Variants in FRAS1 observed in about 807,000 individuals in gnomAD.
FRAS1 encodes the protein Fraser extracellular matrix complex subunit 1.
In FRAS1, 290 loss-of-function variants were observed where a neutral mutation model predicts 435.2. That is an observed-to-expected ratio of 0.67 (90% CI 0.61 to 0.73). The LOEUF is 0.73. FRAS1 is among the 30% of genes least tolerant of loss of function. The probability of loss-of-function intolerance (pLI) is 0.00; values close to 1 mark genes in which losing one functional copy is unlikely to be tolerated. For missense variants in FRAS1, 4,860 were observed against 5,001.5 expected (o/e 0.97, Z 0.85); for synonymous variants, 1,800 against 1,851.0 (o/e 0.97, Z 0.71).
intron 2 of FRAS1, among the ~76,000 whole-genome samples, chr4:78,091,978 C>CAAAAAAAA (rs34804542): frequency 1.2e-5 from 1 of 83,728 alleles, no homozygotes; most frequent in Admixed American, 1.6e-4. Context: ...GAGACTGTCT[C>CAAAAAAAA]AAAAAAAAAA....
chr4:78,441,072 G>A (rs752068929), intron 40 of FRAS1, 90 bp from the exon 41 acceptor site: 176 of 1,334,122 alleles, frequency 1.3e-4, no homozygotes, highest in Non-Finnish European at 1.7e-4. Context: ...GTGCTAGAAG[G>A]TCACCCAGGC....
At chr4:78,438,446 T>G in intron 38 of FRAS1, 124 bp from the exon 39 acceptor site, 1 of 925,008 alleles carries the variant, frequency 1.1e-6, no homozygotes, top group South Asian at 1.6e-5. Context: ...AAAGAGACTT[T>G]AAGACAAAGA....
At chr4:78,510,145 CTTG>C (rs1275864908) in intron 63 of FRAS1, among the ~76,000 whole-genome samples, 4 of 152,162 alleles carry the variant, frequency 2.6e-5, no homozygotes, top group Non-Finnish European at 5.9e-5. Context: ...GAATTACCAG[CTTG>C]TTGTTTCTTA....
chr4:78,457,025 G>A (rs998382012), intron 47 of FRAS1, among the ~76,000 whole-genome samples: 3 of 151,896 alleles, frequency 2.0e-5, no homozygotes, highest in Middle Eastern at 3.2e-3. Flanking sequence ...ACTTCAAGGA[G>A]GCCTACCTCG....
intron 2 of FRAS1, among the ~76,000 whole-genome samples, chr4:78,136,906 G>A (rs1719941968): frequency 6.6e-6 from 1 of 152,200 alleles, no homozygotes; most frequent in Non-Finnish European, 1.5e-5. Flanking sequence ...TACCTACTGT[G>A]CGCCAGCACC....
rs1421348588 is a variant in FRAS1, at chr4:78,519,198, G to A, written c.10390-133G>A. 5 of 667,324 alleles carry A rather than the reference G, an allele frequency of 7.5e-6. No homozygotes were observed. The Admixed American group carries it at 1.0e-4, about 14-fold the overall frequency. The allele number at this position is 667,324 out of a possible 1,614,324, so 41.3% of individuals were successfully genotyped here. ...TTTTAAATAAGTAAGTGCAATCATG[G>A]GCACTTGCTTAATAATTATTGAATA... On this transcript the variant is annotated intron_variant, in intron 66 of 73. Transcript: ENST00000512123.
chr4:78,457,695 C>G (rs186228781), intron 47 of FRAS1, among the ~76,000 whole-genome samples: 1 of 152,298 alleles, frequency 6.6e-6, no homozygotes, highest in African/African-American at 2.4e-5. Context: ...TCCTTAAACC[C>G]TTTGGCTGTT....
intron 1 of FRAS1, among the ~76,000 whole-genome samples, chr4:78,065,074 A>ATG (rs1350982371): frequency 1.0e-4 from 14 of 134,290 alleles, no homozygotes; most frequent in African/African-American, 4.0e-4. Flanking sequence ...ATATATATAT[A>ATG]TATATATATA....
chr4:78,224,631 C>T (rs765377137), intron 2 of FRAS1, among the ~76,000 whole-genome samples: 5 of 152,086 alleles, frequency 3.3e-5, no homozygotes, highest in Non-Finnish European at 5.9e-5. Flanking sequence ...TTCCCAGTCT[C>T]AAGCAATCCC....
chr4:78,095,746 G>A (rs964695143), intron 2 of FRAS1, among the ~76,000 whole-genome samples: 1 of 152,172 alleles, frequency 6.6e-6, no homozygotes, highest in African/African-American at 2.4e-5. Context: ...CACAAGAACA[G>A]CACAGGAAAG....
chr4:78,161,742 CAAAAAAAAAAAA>C (rs71214399), intron 2 of FRAS1, among the ~76,000 whole-genome samples: 18 of 24,878 alleles, frequency 7.2e-4, no homozygotes, highest in African/African-American at 3.1e-3. Flanking sequence ...AACTCTGTCT[CAAAAAAAAAAAA>C]AAAAAAAAAA....
chr4:78,369,716 A>T, intron 22 of FRAS1, 122 bp from the exon 23 acceptor site: 1 of 729,430 alleles, frequency 1.4e-6, no homozygotes, highest in Non-Finnish European at 2.0e-6. Context: ...TATGAGCCAT[A>T]ATGAAATGTA....
intron 15 of FRAS1, among the ~76,000 whole-genome samples, chr4:78,309,152 A>T (rs774529737): frequency 3.9e-5 from 6 of 152,182 alleles, no homozygotes; most frequent in African/African-American, 4.8e-5. Context: ...CATGCAGGTG[A>T]CTTTTAGAAT....
chr4:78,116,148 G>A (rs563503948), intron 2 of FRAS1, among the ~76,000 whole-genome samples: 82 of 152,336 alleles, frequency 5.4e-4, no homozygotes, highest in African/African-American at 1.9e-3. Context: ...TTTTGAGTGA[G>A]TGTCTTAATC....
intron 2 of FRAS1, among the ~76,000 whole-genome samples, chr4:78,143,766 T>A (rs1720293060): frequency 6.7e-6 from 1 of 150,158 alleles, no homozygotes; most frequent in African/African-American, 2.4e-5. Flanking sequence ...TAGCTAAGTA[T>A]GATGTTGCGG....
At chr4:78,283,710 A>T (rs1389814481) in intron 12 of FRAS1, among the ~76,000 whole-genome samples, 1 of 152,202 alleles carries the variant, frequency 6.6e-6, no homozygotes, top group East Asian at 1.9e-4. Flanking sequence ...TTTTGTGAAG[A>T]GTTTATCAAG....
chr4:78,158,877 T>C (rs1022080098), intron 2 of FRAS1, among the ~76,000 whole-genome samples: 2 of 152,204 alleles, frequency 1.3e-5, no homozygotes, highest in African/African-American at 2.4e-5. Flanking sequence ...GGCTGTTGCA[T>C]TGACATGATG....
intron 14 of FRAS1, among the ~76,000 whole-genome samples, chr4:78,304,393 C>G (rs1728591482): frequency 6.6e-6 from 1 of 152,210 alleles, no homozygotes; most frequent in Non-Finnish European, 1.5e-5. Flanking sequence ...GGAGAATTTC[C>G]TCTTTTTCTA....
intron 2 of FRAS1, chr4:78,180,871 C>G (rs1721969123): frequency 5.0e-6 from 8 of 1,592,682 alleles, no homozygotes; most frequent in Non-Finnish European, 6.9e-6. Context: ...TCCAGTTAAG[C>G]CAGAACTGGG....
Sources: gnomAD v4.1 joint callset for allele counts (sites outside exome capture counted in the v4.1 genomes callset) on GRCh38, gnomAD v4.1.1 for gene constraint, MANE v1.5 for transcripts, NCBI Gene and HGNC (gene_info 2026-07-23, HGNC 2026-07-21) for gene names.